ZNF34: variants seen among roughly 807,000 people sequenced by gnomAD.
ZNF34 encodes zinc finger protein 34.
In ZNF34, 8 loss-of-function variants were observed where a neutral mutation model predicts 14.4. The ratio of observed to expected loss-of-function variants is 0.55; its 90% CI spans 0.33 to 1.00. The LOEUF (loss-of-function observed/expected upper bound fraction) is 1.00, where lower values mean the gene tolerates loss of function less well. Ranked by LOEUF, ZNF34 falls within the 50% of genes least tolerant of loss-of-function variation. The pLI is 0.03. For synonymous variants in ZNF34, 235 were observed against 247.9 expected, an observed-to-expected ratio of 0.95 and a Z score of 0.49; for missense variants, 538 against 674.2, an observed-to-expected ratio of 0.80 and a Z score of 2.24.
At chr8:144,774,971 TGA>T (rs1825416175) in intron 5 of ZNF34, among the ~76,000 whole-genome samples, 2 of 152,238 alleles carry the variant, frequency 1.3e-5, no homozygotes, top group Admixed American at 6.5e-5. Flanking sequence ...ACTTGCCAGC[TGA>T]GTCACCTGAG....
At position 144,773,333 on chromosome 8, in the gene ZNF34, G is replaced by A; in HGVS notation, c.1553C>T (p.Ala518Val). ...ACACATGTTGGAACTGTGCCGGAAG[G>A]CCTTCCCACACTCGCTGCACTTGTA... is the stretch of plus-strand genomic sequence containing the variant. ...KPYKCSECGK[A>V]FRHSSNMCQH... Residue 518 changes from alanine (A) to valine (V), a missense_variant, in exon 6 of 6, where the codon GCC becomes GTC. Around this residue, in one of 3 missense-constraint regions of ZNF34, gnomAD observed 101 missense variants for 123.1 expected, o/e 0.82. Coordinates refer to ENST00000429371, the MANE Select transcript of ZNF34 (RefSeq NM_001286769.2). The surrounding 1 kb of genome is among the most constrained non-coding windows in gnomAD (Gnocchi z 5.4). 6.2e-7 allele frequency: 1 copy of A among 1,614,170 alleles called. No individual in the cohort carries two copies. Among genetic ancestry groups the A allele is most frequent in the Non-Finnish European group, 8.5e-7 (1 of 1,180,002 alleles).
Position 144,777,457 on chromosome 8 carries a change from C to A in ZNF34, c.280+1G>T. ...GTTGGGGAGCAGATCCCCTCACGCA[C>A]CTGGGCTGTTGACTCTCAGGTGCTC... is the stretch of plus-strand genomic sequence containing the variant. On this transcript the variant is annotated splice_donor_variant, in intron 5 of 5. Coordinates refer to ENST00000429371, the MANE Select transcript of ZNF34 (RefSeq NM_001286769.2). LOFTEE classifies it high-confidence loss of function. This position sits in a 1 kb window ranked among gnomAD's most constrained non-coding sequence, Gnocchi z 4.8. 1.9e-6 allele frequency: 3 copies of A among 1,551,444 alleles called. No individual in the cohort carries two copies. The highest frequency in any genetic ancestry group is 2.6e-6 in the Non-Finnish European group (3 of 1,146,886).
chr8:144,781,134 C>CAAATAAAT (rs143853733), intron 1 of ZNF34, among the ~76,000 whole-genome samples: 15,192 of 140,226 alleles, frequency 0.11, 961 homozygotes, highest in Admixed American at 0.18. Context: ...GACTCCATCT[C>CAAATAAAT]AAATAAATAA....
chr8:144,784,079 G>A (rs773999466), intron 1 of ZNF34, among the ~76,000 whole-genome samples: 24 of 151,320 alleles, frequency 1.6e-4, no homozygotes, highest in Non-Finnish European at 2.8e-4. Context: ...AGAATGGCGC[G>A]AACCCGGGAG....
rs186538722 is a variant in ZNF34 at position 144,782,938 on chromosome 8, G to A, written c.-107-2658C>T. On this transcript the variant is annotated intron_variant, in intron 1 of 5. Coordinates refer to ENST00000429371, the MANE Select transcript of ZNF34 (RefSeq NM_001286769.2). ...TATCAGGAACAAAAAAGGAAAGAGT[G>A]TATATTTAGGGCAATTTGAATCTAT... 3.4e-5 allele frequency among the ~76,000 whole-genome samples: 5 copies of A among 147,706 alleles called. No homozygotes were observed. In the East Asian group the frequency reaches 8.2e-4, roughly 24 times the overall value.
chr8:144,775,653 G>C (rs1435087237), intron 5 of ZNF34, among the ~76,000 whole-genome samples: 1 of 152,246 alleles, frequency 6.6e-6, no homozygotes, highest in Non-Finnish European at 1.5e-5. Context: ...TCTTGTGACA[G>C]GAGTCAGAAA....
intron 1 of ZNF34, among the ~76,000 whole-genome samples, chr8:144,786,660 A>G (rs1826257921): frequency 6.7e-6 from 1 of 149,708 alleles, no homozygotes; most frequent in African/African-American, 2.5e-5. Flanking sequence ...AAAGGAAAGA[A>G]GGAAGAGAAG....
intron 5 of ZNF34, among the ~76,000 whole-genome samples, chr8:144,775,312 C>T (rs914673075): frequency 3.3e-5 from 5 of 152,176 alleles, no homozygotes; most frequent in Admixed American, 1.3e-4. Context: ...CTTTGGAGGA[C>T]GGCTTGGCAA....
At chr8:144,776,796 C>G (rs1471662815) in intron 5 of ZNF34, among the ~76,000 whole-genome samples, 2 of 151,018 alleles carry the variant, frequency 1.3e-5, no homozygotes, top group East Asian at 3.9e-4. Flanking sequence ...CCTGTGGTCC[C>G]AGCTACTCGG....
intron 1 of ZNF34, among the ~76,000 whole-genome samples, chr8:144,781,535 C>T (rs1461465994): frequency 6.6e-6 from 1 of 152,068 alleles, no homozygotes; most frequent in Non-Finnish European, 1.5e-5. Context: ...GGATTACAGG[C>T]AGGAGCCACC....
chr8:144,773,501 G>A lies in ZNF34; in HGVS notation c.1385C>T (p.Ala462Val). 1 of 1,614,136 alleles carries A rather than the reference G, an allele frequency of 6.2e-7. No individual in the cohort carries two copies. The highest frequency in any genetic ancestry group is 8.5e-7 in the Non-Finnish European group (1 of 1,180,036). The change falls in exon 6 of 6, where the codon GCC becomes GTC. Residue 462 changes from alanine to valine, a missense_variant. Ala to Val is a moderately conservative substitution (Grantham distance 64). Around this residue, in one of 3 missense-constraint regions of ZNF34, gnomAD observed 101 missense variants for 123.1 expected, o/e 0.82. Coordinates refer to ENST00000429371, the MANE Select transcript of ZNF34 (RefSeq NM_001286769.2). This position sits in a 1 kb window ranked among gnomAD's most constrained non-coding sequence, Gnocchi z 5.4. ...GATGAGTCTGGAACTGTTGTGGAAG[G>A]CCTTCCCACACTCGCTGCACTTGTA... The part of the protein sequence containing the change: ...KPYKCSECGK[A>V]FHNSSRLIHH...
chr8:144,781,751 G>A (rs1349665252), intron 1 of ZNF34, among the ~76,000 whole-genome samples: 39 of 152,166 alleles, frequency 2.6e-4, no homozygotes, highest in Non-Finnish European at 1.5e-5. Flanking sequence ...TGTTATATTA[G>A]AAATATATGA....
At chr8:144,786,019 C>T (rs1460595651) in intron 1 of ZNF34, among the ~76,000 whole-genome samples, 1 of 136,068 alleles carries the variant, frequency 7.3e-6, no homozygotes, top group Non-Finnish European at 1.5e-5. Context: ...GAGTCTTGCT[C>T]CATCACCCAG....
At chr8:144,786,842 C>A (rs1343006560) in intron 1 of ZNF34, among the ~76,000 whole-genome samples, 1 of 151,886 alleles carries the variant, frequency 6.6e-6, no homozygotes, top group Non-Finnish European at 1.5e-5. Flanking sequence ...GGGCGGCATT[C>A]GCAGAGGGCT....
Position 144,772,262 on chromosome 8 carries a change from C to T in ZNF34, c.*1004G>A, listed in dbSNP as rs1293700692. ...CACATATTTATGTTCCTAGAATAGG[C>T]AAATTCAAAGAGACAGAAAATAGAA... On this transcript the variant is annotated 3_prime_UTR_variant, in exon 6 of 6. Coordinates refer to ENST00000429371, the MANE Select transcript of ZNF34 (RefSeq NM_001286769.2). Among the ~76,000 whole-genome samples the T allele has an allele frequency of 6.6e-6, 1 of 152,076 alleles. No individual in the cohort carries two copies. Among genetic ancestry groups the T allele is most frequent in the East Asian group, 1.9e-4 (1 of 5,196 alleles).
In ZNF34 at chr8:144,777,917, C is replaced by G; in HGVS notation, c.160+121G>C. On this transcript the variant is annotated intron_variant, in intron 4 of 5. Transcript: ENST00000429371. The surrounding 1 kb of genome is among the most constrained non-coding windows in gnomAD (Gnocchi z 4.8). ...TCCCCTCATCTTCTCAGATCAGGTG[C>G]CTGCCTGGGATAAAGGTCATCACCT... 4.2e-6 allele frequency: 6 copies of G among 1,422,178 alleles called. No individual in the cohort carries two copies. The highest frequency in any genetic ancestry group is 2.5e-5 in the East Asian group (1 of 40,332). The allele number at this position is 1,422,178 out of a possible 1,614,324, so 88.1% of individuals were successfully genotyped here. A position where few individuals can be genotyped will look rare whatever the true frequency, so the allele number is the denominator to read the frequency against.
At chr8:144,776,744 TG>T (rs1825542940) in intron 5 of ZNF34, among the ~76,000 whole-genome samples, 1 of 151,884 alleles carries the variant, frequency 6.6e-6, no homozygotes, top group South Asian at 2.1e-4. Context: ...ACCTCGTCTC[TG>T]TAAAAAAATC....
rs1825398042 is a variant in ZNF34 at position 144,774,747 on chromosome 8, C to CA, written c.281-143dup. 13 of 969,560 alleles carry CA rather than the reference C, an allele frequency of 1.3e-5. No individual in the cohort carries two copies. The South Asian group carries it at 2.1e-4, about 16-fold the overall frequency. The allele number at this position is 969,560 out of a possible 1,614,324, so 60.1% of individuals were successfully genotyped here. On this transcript the variant is annotated intron_variant, in intron 5 of 5. Transcript: ENST00000429371. ...CTTGCAAAGATAAGAGCCTGGAGCT[C>CA]AGAGGCTTATGCAGCTCACCTGGGG...
At position 144,773,113 on chromosome 8, in the gene ZNF34, C is replaced by A. The variant is rs909895544; in HGVS notation, c.*153G>T. On this transcript the variant is annotated 3_prime_UTR_variant, in exon 6 of 6. Transcript: ENST00000429371. This position sits in a 1 kb window ranked among gnomAD's most constrained non-coding sequence, Gnocchi z 5.4. ...ATTTCTCTAAAATGAACATGCACTGCTTTTGATTTAAGAAAAGAGGTTTGT... is the reference window on the plus strand; with the variant it reads ...ATTTCTCTAAAATGAACATGCACTGATTTTGATTTAAGAAAAGAGGTTTGT... The A allele has an allele frequency of 1.5e-4, 130 of 857,658 alleles. 1 individual carries two copies. Among genetic ancestry groups the A allele is most frequent in the South Asian group, 6.9e-4 (28 of 40,364 alleles). 53.1% of individuals were successfully genotyped at this position (857,658 alleles called of 1,614,324 possible).
Sources: gnomAD v4.1 joint callset for allele counts (sites outside exome capture counted in the v4.1 genomes callset) on GRCh38, gnomAD v4.1.1 for gene constraint, gnomAD v4.1.1 regional missense constraint, Gnocchi (gnomAD v3.1) non-coding constraint, MANE v1.5 for transcripts, NCBI Gene and HGNC (gene_info 2026-07-23, HGNC 2026-07-21) for gene names.